NBAS: variants seen among roughly 807,000 people sequenced by gnomAD.
The protein encoded by NBAS is NBAS subunit of NRZ tethering complex.
Under a neutral mutation model 302.5 loss-of-function variants are expected in NBAS, and 219 were observed. The observed-to-expected ratio is 0.72, with a 90% CI of 0.65 to 0.81. The LOEUF is 0.81. NBAS is among the 30% of genes least tolerant of loss of function. The pLI is 0.00. For missense variants in NBAS, 2,932 were observed against 2,841.6 expected (o/e 1.03, Z -0.72); for synonymous variants, 1,118 against 1,021.6 (o/e 1.09, Z -1.80).
intron 44 of NBAS, among the ~76,000 whole-genome samples, chr2:15,259,165 C>T (rs1668739638): frequency 6.6e-6 from 1 of 152,042 alleles, no homozygotes; most frequent in African/African-American, 2.4e-5. Context: ...CCCTTGAAAC[C>T]CTAGAGTCAC....
At chr2:15,245,705 G>A (rs1314574685) in intron 44 of NBAS, among the ~76,000 whole-genome samples, 2 of 152,108 alleles carry the variant, frequency 1.3e-5, no homozygotes, top group African/African-American at 2.4e-5. Flanking sequence ...AACAGTAAAA[G>A]TGCATTTGAG....
the NBAS span, among the ~76,000 whole-genome samples, chr2:15,043,336 C>T: frequency 3.3e-5 from 5 of 152,188 alleles, no homozygotes; most frequent in Non-Finnish European, 1.5e-5. Flanking sequence ...TTCCAAGGAT[C>T]TCAGGCTGAG....
At chr2:15,303,022 C>T (rs1208707534) in intron 40 of NBAS, among the ~76,000 whole-genome samples, 2 of 152,222 alleles carry the variant, frequency 1.3e-5, no homozygotes, top group Non-Finnish European at 2.9e-5. Context: ...GGAGACTGCA[C>T]TGTCGGCTTC....
chr2:15,362,938 T>C (rs1048731188), intron 32 of NBAS, among the ~76,000 whole-genome samples: 1 of 151,980 alleles, frequency 6.6e-6, no homozygotes, highest in Non-Finnish European at 1.5e-5. Flanking sequence ...AAGAAAGAGA[T>C]GGGGCCAGGC....
At chr2:15,438,138 A>T (rs1481398768) in intron 21 of NBAS, among the ~76,000 whole-genome samples, 1 of 152,234 alleles carries the variant, frequency 6.6e-6, no homozygotes, top group Non-Finnish European at 1.5e-5. Context: ...ACTGTATTTC[A>T]ACTACATTTC....
At chr2:15,103,896 T>C in the NBAS span, among the ~76,000 whole-genome samples, 5,301 of 152,254 alleles carry the variant, frequency 0.035, 187 homozygotes, top group Admixed American at 0.096. Flanking sequence ...TGAATTGACA[T>C]TCCACTGAAG....
intron 40 of NBAS, among the ~76,000 whole-genome samples, chr2:15,302,065 G>A (rs540320873): frequency 2.0e-5 from 3 of 152,292 alleles, no homozygotes; most frequent in South Asian, 2.1e-4. Flanking sequence ...CGAGGCTGTC[G>A]CAGGACGTTT....
the NBAS span, among the ~76,000 whole-genome samples, chr2:14,984,652 C>G: frequency 6.6e-6 from 1 of 152,204 alleles, no homozygotes; most frequent in East Asian, 1.9e-4. Flanking sequence ...CTGTCCCTCT[C>G]CCTATACTTC....
At chr2:15,072,901 A>T in the NBAS span, among the ~76,000 whole-genome samples, 2 of 152,314 alleles carry the variant, frequency 1.3e-5, no homozygotes, top group African/African-American at 4.8e-5. Flanking sequence ...GGCTGAGGCA[A>T]GTGGATCACT....
In NBAS at chr2:15,270,227, C is replaced by T. The variant is rs139588144; in HGVS notation, c.5724+5257G>A. On this transcript the variant is annotated intron_variant, in intron 44 of 51. Coordinates refer to ENST00000281513, the MANE Select transcript of NBAS (RefSeq NM_015909.4). ...GACAGAGTCTCTCTCTGTCGTGGCACGATCTCGGGTCAGTGCAGCCTCCGA... is the reference window on the plus strand; with the variant it reads ...GACAGAGTCTCTCTCTGTCGTGGCATGATCTCGGGTCAGTGCAGCCTCCGA... 3.8e-3 allele frequency among the ~76,000 whole-genome samples: 584 copies of T among 152,230 alleles called. 7 individuals are homozygous for T. The highest frequency in any genetic ancestry group is 0.014 in the African/African-American group (571 of 41,532).
chr2:14,903,622 C>T, the NBAS span, among the ~76,000 whole-genome samples: 1 of 152,214 alleles, frequency 6.6e-6, no homozygotes, highest in East Asian at 1.9e-4. Flanking sequence ...TCACTATCCC[C>T]AGAACCAGCT....
chr2:15,553,790 C>T (rs1664498078), intron 4 of NBAS, among the ~76,000 whole-genome samples: 1 of 139,326 alleles, frequency 7.2e-6, no homozygotes, highest in Admixed American at 7.1e-5. Flanking sequence ...CTCTCTCTCC[C>T]TCCCTCCCTC....
chr2:14,955,139 A>C, the NBAS span, among the ~76,000 whole-genome samples: 1 of 152,228 alleles, frequency 6.6e-6, no homozygotes, highest in Non-Finnish European at 1.5e-5. Flanking sequence ...AATTGGCCAA[A>C]ACAAAGGGGC....
chr2:14,808,688 A>G, the NBAS span, among the ~76,000 whole-genome samples: 1 of 152,216 alleles, frequency 6.6e-6, no homozygotes, highest in African/African-American at 2.4e-5. Context: ...AATACAGTAA[A>G]TTGGTACCAG....
chr2:15,076,964 CTA>C, the NBAS span, among the ~76,000 whole-genome samples: 1 of 152,228 alleles, frequency 6.6e-6, no homozygotes, highest in Non-Finnish European at 1.5e-5. Flanking sequence ...AGACACACTT[CTA>C]TGTTTGTCCA....
chr2:15,180,777 C>T (rs554996322), intron 50 of NBAS, among the ~76,000 whole-genome samples: 1 of 152,302 alleles, frequency 6.6e-6, no homozygotes, highest in East Asian at 1.9e-4. Flanking sequence ...TTTAATAAGC[C>T]ACATGGGGCC....
In NBAS at chr2:15,534,658, A is replaced by G; in HGVS notation, c.648-17T>C. The G allele has an allele frequency of 1.3e-6, 2 of 1,567,530 alleles. No individual in the cohort carries two copies. The highest frequency in any genetic ancestry group is 1.8e-6 in the Non-Finnish European group (2 of 1,137,566). On this transcript the variant is annotated splice_polypyrimidine_tract_variant and intron_variant, in intron 8 of 51. Coordinates refer to ENST00000281513, the MANE Select transcript of NBAS (RefSeq NM_015909.4). ...GTTCCAACACTAAATTTAAGAGGGT[A>G]TGAAAGAAGTAAATACCATTAAACC...
At chr2:15,263,452 C>G (rs938055889) in intron 44 of NBAS, among the ~76,000 whole-genome samples, 2 of 150,050 alleles carry the variant, frequency 1.3e-5, no homozygotes, top group African/African-American at 5.1e-5. Context: ...TGACAACTTA[C>G]GTCTAACTGA....
chr2:14,895,366 G>A, the NBAS span, among the ~76,000 whole-genome samples: 4 of 152,144 alleles, frequency 2.6e-5, no homozygotes, highest in African/African-American at 7.2e-5. Context: ...GACATTGGAC[G>A]AGTCAAAGAA....
Sources: allele counts gnomAD v4.1 joint callset (sites outside exome capture counted in the v4.1 genomes callset), GRCh38; gene constraint gnomAD v4.1.1; transcripts MANE v1.5; gene names NCBI Gene and HGNC (gene_info 2026-07-23, HGNC 2026-07-21).